Variants in TAF4B observed in about 807,000 individuals in gnomAD.
The protein encoded by TAF4B is TATA-box binding protein associated factor 4b, also known as transcription initiation factor TFIID subunit 4B.
Under a neutral mutation model 86.4 loss-of-function variants are expected in TAF4B, and 38 were observed. The ratio of observed to expected loss-of-function variants is 0.44; its 90% CI spans 0.34 to 0.58. TAF4B has a LOEUF of 0.58. TAF4B is among the 20% of genes least tolerant of loss of function. The pLI is 0.02. For synonymous variants in TAF4B, 388 were observed against 391.2 expected, an observed-to-expected ratio of 0.99 and a Z score of 0.10; for missense variants, 988 against 1,027.6, an observed-to-expected ratio of 0.96 and a Z score of 0.53.
At chr18:26,357,830 T>G in intron 14 of TAF4B, 36 bp downstream of exon 14, 1 of 1,505,704 alleles carries the variant, frequency 6.6e-7, no homozygotes, top group Non-Finnish European at 9.1e-7. Flanking sequence ...ATTTTTAATG[T>G]CAAGAAAGCA....
At position 26,286,381 on chromosome 18, in the gene TAF4B, C is replaced by T. The variant is rs2056523354; in HGVS notation, c.1472C>T (p.Ala491Val). 6.2e-7 allele frequency: 1 copy of T among 1,614,202 alleles called. No homozygotes were observed. The highest frequency in any genetic ancestry group is 2.2e-5 in the East Asian group (1 of 44,888). The change falls in exon 7 of 15, where the codon GCT becomes GTT. Residue 491 changes from alanine (A) to valine (V), a missense_variant. This residue lies in a region of TAF4B where 747 missense variants were observed against 737.9 expected (regional missense o/e 1.01). Transcript: ENST00000269142. ...TCTGTGAAACCTGTTGTTTCTTCTG[C>T]TGGGACCACATCTGACAAGCCTGTT... ...LPSVKPVVSSAGTTSDKPVIG... is the reference protein window; with the variant it reads ...LPSVKPVVSSVGTTSDKPVIG...
chr18:26,335,407 T>G (rs905087872), intron 13 of TAF4B, among the ~76,000 whole-genome samples, 176 bp downstream of exon 13: 2 of 152,236 alleles, frequency 1.3e-5, no homozygotes, highest in Non-Finnish European at 2.9e-5. Flanking sequence ...ATGAGTTATG[T>G]GCTCTCTTTT....
chr18:26,390,439 G>C lies in TAF4B; in HGVS notation c.*427G>C, dbSNP rs1197604633. On this transcript the variant is annotated 3_prime_UTR_variant, in exon 15 of 15. Transcript: ENST00000269142. ...TCTATATTGAACCTGTCCCAAAGTG[G>C]TAGGTTTTCTGGGCTGGAATCAGAA... The C allele has an allele frequency of 6.5e-6, 1 of 153,520 alleles. No homozygotes were observed. Among genetic ancestry groups the C allele is most frequent in the Non-Finnish European group, 1.4e-5 (1 of 69,032 alleles). 9.5% of individuals were successfully genotyped at this position (153,520 alleles called of 1,614,324 possible). A position where few individuals can be genotyped will look rare whatever the true frequency, so the allele number is the denominator to read the frequency against.
At chr18:26,377,718 C>G (rs2057452213) in intron 14 of TAF4B, among the ~76,000 whole-genome samples, 1 of 152,106 alleles carries the variant, frequency 6.6e-6, no homozygotes, top group African/African-American at 2.4e-5. Flanking sequence ...GGCCATTCAC[C>G]AGGTCTGTTC....
chr18:26,237,169 C>G (rs1228969709), intron 1 of TAF4B, among the ~76,000 whole-genome samples: 1 of 152,170 alleles, frequency 6.6e-6, no homozygotes, highest in Non-Finnish European at 1.5e-5. Context: ...GTGAATTTAT[C>G]CCTTTCTTTG....
At chr18:26,231,402 G>C (rs2055668934) in intron 1 of TAF4B, among the ~76,000 whole-genome samples, 1 of 144,952 alleles carries the variant, frequency 6.9e-6, no homozygotes, top group Non-Finnish European at 1.5e-5. Flanking sequence ...GCCCAGGTTG[G>C]AGTACAGTGG....
chr18:26,291,695 A>T (rs112769994), intron 7 of TAF4B, among the ~76,000 whole-genome samples: 11,099 of 130,522 alleles, frequency 0.085, 539 homozygotes, highest in Non-Finnish European at 0.11. Flanking sequence ...TGACAGAGCA[A>T]GACTCTGTCT....
intron 14 of TAF4B, among the ~76,000 whole-genome samples, chr18:26,360,269 C>G (rs2144737293): frequency 6.6e-6 from 1 of 152,268 alleles, no homozygotes; most frequent in South Asian, 2.1e-4. Context: ...TCTTTGCCAT[C>G]TCATGACTGA....
chr18:26,285,397 A>G (rs2056507378), intron 6 of TAF4B, among the ~76,000 whole-genome samples: 2 of 151,486 alleles, frequency 1.3e-5, no homozygotes, highest in Admixed American at 1.3e-4. Flanking sequence ...CATGTTGCCT[A>G]GGCTGGTCTC....
chr18:26,285,959 T>A lies in TAF4B; in HGVS notation c.1050T>A (p.Ser350Arg). Reference sequence around the variant, plus strand: ...AGCAATGTGTTCAGCAGACTTCTAGTGACATGGTCATTGCTACCTGTACTA... The same window carrying A: ...AGCAATGTGTTCAGCAGACTTCTAGAGACATGGTCATTGCTACCTGTACTA... ...FIQQCVQQTSSDMVIATCTTT... is the reference protein window; with the variant it reads ...FIQQCVQQTSRDMVIATCTTT... Residue 350 changes from serine to arginine, a missense_variant, in exon 7 of 15, where the codon AGT (serine) becomes AGA (arginine). Physicochemically the swap from Ser to Arg is moderately radical, Grantham distance 110. Around this residue, in one of 3 missense-constraint regions of TAF4B, gnomAD observed 747 missense variants for 737.9 expected, o/e 1.01. Coordinates refer to ENST00000269142, the MANE Select transcript of TAF4B (RefSeq NM_005640.3). The A allele has an allele frequency of 1.2e-6, 2 of 1,614,216 alleles. No homozygotes were observed. The highest frequency in any genetic ancestry group is 2.2e-5 in the East Asian group (1 of 44,896).
intron 14 of TAF4B, among the ~76,000 whole-genome samples, chr18:26,375,165 TACA>T (rs1480431076): frequency 2.6e-5 from 4 of 152,232 alleles, no homozygotes; most frequent in Admixed American, 6.5e-5. Flanking sequence ...AACGGAATCG[TACA>T]ACATGTGGCC....
intron 1 of TAF4B, among the ~76,000 whole-genome samples, chr18:26,260,709 C>G (rs1418648846): frequency 6.7e-6 from 1 of 148,800 alleles, no homozygotes; most frequent in Non-Finnish European, 1.5e-5. Context: ...GTTTGCTGAT[C>G]TTTCTTTTGC....
chr18:26,384,285 G>A (rs1313544659), intron 14 of TAF4B, among the ~76,000 whole-genome samples: 3 of 152,094 alleles, frequency 2.0e-5, no homozygotes, highest in Non-Finnish European at 4.4e-5. Flanking sequence ...TCAGATTCAG[G>A]GACACAAATT....
chr18:26,315,140 CTCTCTG>C (rs1334425530), intron 9 of TAF4B, 83 bp from the exon 10 acceptor site: 3,506 of 262,688 alleles, frequency 0.013, 150 homozygotes, highest in African/African-American at 0.037. Flanking sequence ...CTCTCTCTCT[CTCTCTG>C]TCTCTCTCTC....
At chr18:26,271,405 A>G (rs193124929) in intron 3 of TAF4B, among the ~76,000 whole-genome samples, 1 of 152,358 alleles carries the variant, frequency 6.6e-6, no homozygotes, top group African/African-American at 2.4e-5. Context: ...TCAGACAGGT[A>G]CAGAAAATGA....
At chr18:26,384,715 C>T (rs1017944133) in intron 14 of TAF4B, among the ~76,000 whole-genome samples, 1 of 152,144 alleles carries the variant, frequency 6.6e-6, no homozygotes, top group Non-Finnish European at 1.5e-5. Context: ...CAGTGCCTTC[C>T]TACTGACTAG....
At chr18:26,229,043 T>G (rs1414500195) in intron 1 of TAF4B, among the ~76,000 whole-genome samples, 1 of 152,108 alleles carries the variant, frequency 6.6e-6, no homozygotes, top group Non-Finnish European at 1.5e-5. Flanking sequence ...TATGCTTATT[T>G]TTTTACTTGT....
chr18:26,383,735 T>C (rs1225749772), intron 14 of TAF4B, among the ~76,000 whole-genome samples: 1 of 152,198 alleles, frequency 6.6e-6, no homozygotes, highest in Admixed American at 6.5e-5. Context: ...AAAGTACTAT[T>C]GAAACATAGA....
At chr18:26,230,588 C>T (rs2055649704) in intron 1 of TAF4B, among the ~76,000 whole-genome samples, 1 of 152,188 alleles carries the variant, frequency 6.6e-6, no homozygotes, top group Non-Finnish European at 1.5e-5. Flanking sequence ...GTAGTCAGCC[C>T]ACAGGAGAAA....
Sources: allele counts gnomAD v4.1 joint callset (sites outside exome capture counted in the v4.1 genomes callset), GRCh38; gene constraint gnomAD v4.1.1; regional missense constraint gnomAD v4.1.1; transcripts MANE v1.5; gene names NCBI Gene and HGNC (gene_info 2026-07-23, HGNC 2026-07-21).